Variants in RPIA observed in about 807,000 individuals in gnomAD.
The protein encoded by RPIA is ribose 5-phosphate isomerase A.
A neutral mutation model predicts 37.8 loss-of-function variants in RPIA; 29 were observed. The ratio of observed to expected loss-of-function variants is 0.77; its 90% CI spans 0.57 to 1.05. The LOEUF is 1.05. RPIA is among the 50% of genes least tolerant of loss of function. The probability of loss-of-function intolerance (pLI) is 0.00; values close to 1 mark genes in which losing one functional copy is unlikely to be tolerated. For synonymous variants in RPIA, 167 were observed against 157.0 expected (o/e 1.06, Z -0.48); for missense variants, 385 against 413.6 (o/e 0.93, Z 0.60).
intron 3 of RPIA, among the ~76,000 whole-genome samples, chr2:88,725,018 G>A (rs6547789): frequency 0.43 from 65,567 of 152,022 alleles, 14,786 homozygotes; most frequent in African/African-American, 0.55. Flanking sequence ...CCCTAATCAT[G>A]AGACGTTTAG....
At chr2:88,727,291 G>A (rs1673211222) in intron 3 of RPIA, among the ~76,000 whole-genome samples, 1 of 152,240 alleles carries the variant, frequency 6.6e-6, no homozygotes, top group South Asian at 2.1e-4. Flanking sequence ...ATGATCCAAA[G>A]GGATGAATGT....
intron 3 of RPIA, among the ~76,000 whole-genome samples, chr2:88,702,928 G>A (rs962049587): frequency 6.6e-5 from 10 of 152,160 alleles, no homozygotes; most frequent in Non-Finnish European, 1.3e-4. Context: ...CAGGTATTGG[G>A]TGAATACACT....
intron 3 of RPIA, among the ~76,000 whole-genome samples, chr2:88,721,181 C>G (rs1408740009): frequency 6.6e-6 from 1 of 151,598 alleles, no homozygotes; most frequent in Non-Finnish European, 1.5e-5. Context: ...CACATGGATA[C>G]AGGGAGGGGA....
chr2:88,714,197 G>A (rs1202174011), intron 3 of RPIA, among the ~76,000 whole-genome samples: 2 of 151,382 alleles, frequency 1.3e-5, no homozygotes, highest in Non-Finnish European at 2.9e-5. Flanking sequence ...TTTAGATGGA[G>A]TTTCACTCTG....
chr2:88,722,340 T>A (rs1673143982), intron 3 of RPIA, among the ~76,000 whole-genome samples: 1 of 152,172 alleles, frequency 6.6e-6, no homozygotes, highest in Non-Finnish European at 1.5e-5. Flanking sequence ...AATACCCAAA[T>A]AATAAAATAT....
At chr2:88,699,225 C>T (rs1672799817) in intron 2 of RPIA, among the ~76,000 whole-genome samples, 1 of 152,204 alleles carries the variant, frequency 6.6e-6, no homozygotes, top group Admixed American at 6.5e-5. Context: ...AGCCTTCTCA[C>T]TGGCCAAATA....
At chr2:88,695,016 C>T (rs986548056) in intron 1 of RPIA, among the ~76,000 whole-genome samples, 14 of 150,822 alleles carry the variant, frequency 9.3e-5, no homozygotes, top group Non-Finnish European at 1.8e-4. Context: ...AAGAAAAGCT[C>T]GAGAGGACAG....
intron 1 of RPIA, 105 bp downstream of exon 1, chr2:88,692,088 G>T: frequency 7.1e-7 from 1 of 1,402,660 alleles, no homozygotes; most frequent in Non-Finnish European, 9.6e-7. Context: ...CTGGCAGGGC[G>T]GGAGCTGAGT....
chr2:88,708,633 T>G (rs1355203988), intron 3 of RPIA, among the ~76,000 whole-genome samples: 1 of 152,216 alleles, frequency 6.6e-6, no homozygotes, highest in Non-Finnish European at 1.5e-5. Context: ...TAGGTTGACT[T>G]GTAATTGTCT....
At chr2:88,736,717 C>T (rs1673320554) in intron 7 of RPIA, 41 bp downstream of exon 7, 2 of 1,589,628 alleles carry the variant, frequency 1.3e-6, no homozygotes, top group African/African-American at 1.3e-5. Flanking sequence ...TGGGTGCACT[C>T]AGGTTTTCAG....
chr2:88,725,343 TA>T lies in RPIA; in HGVS notation c.403-3922del, dbSNP rs11406557. 7.0e-4 allele frequency among the ~76,000 whole-genome samples: 100 copies of T among 142,910 alleles called. 1 individual carries two copies. Among genetic ancestry groups the T allele is most frequent in the Middle Eastern group, 7.2e-3 (2 of 276 alleles). 93.8% of individuals were successfully genotyped at this position (142,910 alleles called of 152,430 possible). A position where few individuals can be genotyped will look rare whatever the true frequency, so the allele number is the denominator to read the frequency against. On this transcript the variant is annotated intron_variant, in intron 3 of 8. Coordinates refer to ENST00000283646, the MANE Select transcript of RPIA (RefSeq NM_144563.3). ...ACAAGGTTCCACAGACTGAATAGCT[TA>T]AAAAAAAAAAAACAGAAATGTGTTG...
intron 6 of RPIA, among the ~76,000 whole-genome samples, chr2:88,735,991 G>A (rs1043110540): frequency 1.3e-5 from 2 of 151,952 alleles, no homozygotes; most frequent in Admixed American, 1.3e-4. Context: ...GTGGAACGGG[G>A]AAACAGCTTG....
At chr2:88,739,391 A>G (rs1338747966) in intron 8 of RPIA, among the ~76,000 whole-genome samples, 1 of 152,162 alleles carries the variant, frequency 6.6e-6, no homozygotes, top group East Asian at 1.9e-4. Flanking sequence ...GGGGCTAGTT[A>G]ATTCTAGTGC....
At chr2:88,747,188 A>T (rs1390230253) in intron 8 of RPIA, among the ~76,000 whole-genome samples, 1 of 152,010 alleles carries the variant, frequency 6.6e-6, no homozygotes, top group Non-Finnish European at 1.5e-5. Context: ...CAGGGGGATT[A>T]TGGCTGCCTC....
rs752523900 is a variant in RPIA, at chr2:88,737,957, T to C, written c.739-20T>C. On this transcript the variant is annotated intron_variant, in intron 7 of 8. Transcript: ENST00000283646. The stretch of plus-strand genomic sequence containing the variant: ...TACCTGTATCTGCATCCTTGGTCAC[T>C]GTGGAAAATTATCTTCTAGGGTCCT... 3.8e-6 allele frequency: 6 copies of C among 1,582,884 alleles called. No individual in the cohort carries two copies. Among genetic ancestry groups the C allele is most frequent in the South Asian group, 2.2e-5 (2 of 90,464 alleles).
At chr2:88,711,200 G>A (rs1660030223) in intron 3 of RPIA, among the ~76,000 whole-genome samples, 1 of 152,228 alleles carries the variant, frequency 6.6e-6, no homozygotes. Flanking sequence ...AGAATGTAAA[G>A]GATTGGTGCA....
chr2:88,698,502 A>G lies in RPIA; in HGVS notation c.304A>G (p.Ile102Val), dbSNP rs367587157. 6 of 1,614,054 alleles carry G rather than the reference A, an allele frequency of 3.7e-6. No individual in the cohort carries two copies. The highest frequency in any genetic ancestry group is 1.3e-5 in the African/African-American group (1 of 74,938). Residue 102 changes from isoleucine to valine, a missense_variant, in exon 2 of 9, where the codon ATT becomes GTT. Physicochemically the swap from Ile to Val is conservative, Grantham distance 29. Around this residue, in one of 2 missense-constraint regions of RPIA, gnomAD observed 232 missense variants for 203.0 expected, o/e 1.14. Coordinates refer to ENST00000283646, the MANE Select transcript of RPIA (RefSeq NM_144563.3). ...TTGGCAGAATAACCAAGTGCTGGGAATTGGAAGTGGTTCTACAATTGTCCA... is the reference window on the plus strand; with the variant it reads ...TTGGCAGAATAACCAAGTGCTGGGAGTTGGAAGTGGTTCTACAATTGTCCA... ...NHVRNNQVLG[I>V]GSGSTIVHAV... is the part of the protein sequence containing the mutation.
At chr2:88,733,965 T>C (rs539730824) in intron 4 of RPIA, among the ~76,000 whole-genome samples, 4 of 152,186 alleles carry the variant, frequency 2.6e-5, no homozygotes, top group African/African-American at 9.7e-5. Flanking sequence ...TTAGTGGCAA[T>C]GCCCCAGTAA....
In RPIA at chr2:88,713,478, A is replaced by T. The variant is rs564513289; in HGVS notation, c.402+13414A>T. On this transcript the variant is annotated intron_variant, in intron 3 of 8. Transcript: ENST00000283646. ...GAGGTAGATACCCTTCTGATTTGTG[A>T]TCCTTTGTATGAAATCTATTTTTAA... Among the ~76,000 whole-genome samples, 22 of 151,944 alleles carry T rather than the reference A, an allele frequency of 1.4e-4. 1 individual carries two copies. In the South Asian group the frequency reaches 4.4e-3, roughly 30 times the overall value.
Sources: gnomAD v4.1 joint callset for allele counts (sites outside exome capture counted in the v4.1 genomes callset) on GRCh38, gnomAD v4.1.1 for gene constraint, gnomAD v4.1.1 regional missense constraint, MANE v1.5 for transcripts, NCBI Gene and HGNC (gene_info 2026-07-23, HGNC 2026-07-21) for gene names.